Variants in ZNF689 observed in about 807,000 individuals in gnomAD.
ZNF689 encodes the protein zinc finger protein 689, also known as short ORF-encoded histone-binding protein.
A neutral mutation model predicts 37.2 loss-of-function variants in ZNF689; 14 were observed. The observed-to-expected ratio is 0.38, with a 90% CI of 0.25 to 0.59. ZNF689 has a LOEUF of 0.59. Ranked by LOEUF, ZNF689 falls within the 20% of genes least tolerant of loss-of-function variation. The probability of loss-of-function intolerance (pLI) is 0.68; values close to 1 mark genes in which losing one functional copy is unlikely to be tolerated. For missense variants in ZNF689, 573 were observed against 700.2 expected (o/e 0.82, Z 2.05); for synonymous variants, 277 against 283.3 (o/e 0.98, Z 0.22).
Position 30,604,715 on chromosome 16 carries a change from TCA to T in ZNF689, c.1050_1051del (p.Cys350Ter). On this transcript the variant is annotated stop_gained and frameshift_variant, in exon 3 of 3. Transcript: ENST00000287461. LOFTEE classifies it high-confidence loss of function. This position sits in a 1 kb window ranked among gnomAD's most constrained non-coding sequence, Gnocchi z 5.2. Reference sequence around the variant, plus strand: ...CGTGCTGCGCTGGGAGAAGCGGGCCTCACAGTGCTCGCAGGCATAGGGACGCT... The same window carrying T: ...CGTGCTGCGCTGGGAGAAGCGGGCCTCAGTGCTCGCAGGCATAGGGACGCT... 6.3e-7 allele frequency: 1 copy of T among 1,598,708 alleles called. No homozygotes were observed. Among genetic ancestry groups the T allele is most frequent in the Non-Finnish European group, 8.5e-7 (1 of 1,175,282 alleles).
rs143159261 is a variant in ZNF689, at chr16:30,606,359, C to A, written c.320-912G>T. Among the ~76,000 whole-genome samples the A allele has an allele frequency of 2.6e-5, 4 of 152,288 alleles. No homozygotes were observed. In the East Asian group the frequency reaches 7.7e-4, roughly 29 times the overall value. The stretch of plus-strand genomic sequence containing the variant: ...GAATACAGAGAAGTCTTGCTGCCAC[C>A]TTTTTCCAATCTACCTTGTAGAAAC... On this transcript the variant is annotated intron_variant, in intron 2 of 2. Transcript: ENST00000287461.
Position 30,609,509 on chromosome 16 carries a change from G to A in ZNF689, c.319+16C>T. On this transcript the variant is annotated intron_variant, in intron 2 of 2. Coordinates refer to ENST00000287461, the MANE Select transcript of ZNF689 (RefSeq NM_138447.3). The stretch of plus-strand genomic sequence containing the variant: ...ATAGGAGGGCTGCAGGCTCTGCGTG[G>A]TTATTTAGCACTCACTTCTCTGGAC... The A allele has an allele frequency of 6.2e-7, 1 of 1,610,696 alleles. No homozygotes were observed.
At position 30,605,930 on chromosome 16, in the gene ZNF689, C is replaced by T. The variant is rs530126681; in HGVS notation, c.320-483G>A. 4.3e-5 allele frequency among the ~76,000 whole-genome samples: 6 copies of T among 140,228 alleles called. No homozygotes were observed. Among genetic ancestry groups the T allele is most frequent in the African/African-American group, 5.4e-5 (2 of 37,084 alleles). The allele number at this position is 140,228 out of a possible 152,430, so 92.0% of individuals were successfully genotyped here. The stretch of plus-strand genomic sequence containing the variant: ...TTGTGCCACTGCACTCCAACCTGGG[C>T]GAGAGAGCGAGATTCCATCTCAAAA... On this transcript the variant is annotated intron_variant, in intron 2 of 2. Transcript: ENST00000287461. The surrounding 1 kb of genome is among the most constrained non-coding windows in gnomAD (Gnocchi z 5.1).
chr16:30,605,352 G>C lies in ZNF689; in HGVS notation c.415C>G (p.Arg139Gly), dbSNP rs2052026245. Residue 139 changes from arginine to glycine, a missense_variant, in exon 3 of 3, where the codon CGA becomes GGA. Arg to Gly is a moderately radical substitution (Grantham distance 125). Coordinates refer to ENST00000287461, the MANE Select transcript of ZNF689 (RefSeq NM_138447.3). This position sits in a 1 kb window ranked among gnomAD's most constrained non-coding sequence, Gnocchi z 5.1. ...GKRGRRPSKP[R>G]LIPRQTSGGP... ...CCGGACGTCTGCCTAGGAATCAGTC[G>C]GGGTTTGCTGGGCCTCCGGCCTCGC... 9.3e-6 allele frequency: 15 copies of C among 1,613,848 alleles called. No individual in the cohort carries two copies. Among genetic ancestry groups the C allele is most frequent in the Admixed American group, 1.7e-5 (1 of 59,960 alleles).
chr16:30,603,997 G>A lies in ZNF689; in HGVS notation c.*267C>T, dbSNP rs930681229. The A allele has an allele frequency of 3.2e-6, 2 of 627,628 alleles. No homozygotes were observed. Among genetic ancestry groups the A allele is most frequent in the African/African-American group, 3.6e-5 (2 of 55,346 alleles). The allele number at this position is 627,628 out of a possible 1,614,324, so 38.9% of individuals were successfully genotyped here. On this transcript the variant is annotated 3_prime_UTR_variant, in exon 3 of 3. Transcript: ENST00000287461. ...AGCAGACAGCCCCTAAAATAGATGG[G>A]GAGAACTTTTAGCCCTGATATCCAC...
chr16:30,605,590 C>A lies in ZNF689; in HGVS notation c.320-143G>T. On this transcript the variant is annotated intron_variant, in intron 2 of 2. Coordinates refer to ENST00000287461, the MANE Select transcript of ZNF689 (RefSeq NM_138447.3). This position sits in a 1 kb window ranked among gnomAD's most constrained non-coding sequence, Gnocchi z 5.1. ...CAGCTAAGTGTGACATACTGTCATG[C>A]AAATACGGTGTGCATTACAGGAGCT... 1 of 834,424 alleles carries A rather than the reference C, an allele frequency of 1.2e-6. No homozygotes were observed. The highest frequency in any genetic ancestry group is 3.6e-4 in the Middle Eastern group (1 of 2,770). The allele number at this position is 834,424 out of a possible 1,614,324, so 51.7% of individuals were successfully genotyped here.
chr16:30,605,351 C>A lies in ZNF689; in HGVS notation c.416G>T (p.Arg139Leu). 1 of 1,613,748 alleles carries A rather than the reference C, an allele frequency of 6.2e-7. No individual in the cohort carries two copies. The highest frequency in any genetic ancestry group is 8.5e-7 in the Non-Finnish European group (1 of 1,179,838). ...GKRGRRPSKP[R>L]LIPRQTSGGP... The stretch of plus-strand genomic sequence containing the variant: ...CCCGGACGTCTGCCTAGGAATCAGT[C>A]GGGGTTTGCTGGGCCTCCGGCCTCG... Residue 139 changes from arginine to leucine, a missense_variant, in exon 3 of 3, where the codon CGA becomes CTA. Arg to Leu is a moderately radical substitution (Grantham distance 102, BLOSUM62 -2). Transcript: ENST00000287461. The surrounding 1 kb of genome is among the most constrained non-coding windows in gnomAD (Gnocchi z 5.1).
chr16:30,609,794 G>A (rs753523895), intron 1 of ZNF689, 43 bp downstream of exon 1: 2 of 1,573,664 alleles, frequency 1.3e-6, no homozygotes, highest in Admixed American at 3.8e-5. Flanking sequence ...TCCGGCTCCT[G>A]CATCCCTTCG....
At position 30,603,934 on chromosome 16, in the gene ZNF689, C is replaced by A. The variant is rs1310379814; in HGVS notation, c.*330G>T. ...CCTATGAGATTCTCCTGATTGCATGCAAGATGACAGGTAATCCCTGTGTGG... is the reference window on the plus strand; with the variant it reads ...CCTATGAGATTCTCCTGATTGCATGAAAGATGACAGGTAATCCCTGTGTGG... On this transcript the variant is annotated 3_prime_UTR_variant, in exon 3 of 3. Coordinates refer to ENST00000287461, the MANE Select transcript of ZNF689 (RefSeq NM_138447.3). 4.5e-6 allele frequency: 2 copies of A among 441,178 alleles called. No individual in the cohort carries two copies. Among genetic ancestry groups the A allele is most frequent in the Non-Finnish European group, 8.7e-6 (2 of 229,296 alleles). 27.3% of individuals were successfully genotyped at this position (441,178 alleles called of 1,614,324 possible).
rs1471652358 is a variant in ZNF689 at position 30,603,342 on chromosome 16, AG to A, written c.*921del. 4.0e-5 allele frequency: 6 copies of A among 151,416 alleles called. No homozygotes were observed. Among genetic ancestry groups the A allele is most frequent in the Admixed American group, 3.3e-4 (5 of 15,164 alleles). The allele number at this position is 151,416 out of a possible 1,614,324, so 9.4% of individuals were successfully genotyped here. On this transcript the variant is annotated 3_prime_UTR_variant, in exon 3 of 3. Transcript: ENST00000287461. The stretch of plus-strand genomic sequence containing the variant: ...AGCTTGAACCAATTTTCCAAATACA[AG>A]ATGAAGACTTAGTTTTATAGCTTTT...
chr16:30,606,292 G>A (rs1221807670), intron 2 of ZNF689, among the ~76,000 whole-genome samples: 1 of 152,148 alleles, frequency 6.6e-6, no homozygotes, highest in Non-Finnish European at 1.5e-5. Flanking sequence ...AACACAGCAA[G>A]ACCCTATCTC....
At position 30,604,607 on chromosome 16, in the gene ZNF689, G is replaced by A; in HGVS notation, c.1160C>T (p.Ser387Phe). 1.9e-6 allele frequency: 3 copies of A among 1,601,744 alleles called. No individual in the cohort carries two copies. Among genetic ancestry groups the A allele is most frequent in the Non-Finnish European group, 2.6e-6 (3 of 1,174,384 alleles). ...GTGCGTGCTGCGATGGATGGCCAGG[G>A]AGCCGCTCCGCCGGAAGGCACGCCC... ...DCGRAFRRSG[S>F]LAIHRSTHTE... is the part of the protein sequence containing the mutation. The change falls in exon 3 of 3, where the codon TCC (serine) becomes TTC (phenylalanine). Residue 387 changes from serine (S) to phenylalanine (F), a missense_variant. This residue lies in a region of ZNF689 where 317 missense variants were observed against 367.1 expected (regional missense o/e 0.86). Coordinates refer to ENST00000287461, the MANE Select transcript of ZNF689 (RefSeq NM_138447.3). This position sits in a 1 kb window ranked among gnomAD's most constrained non-coding sequence, Gnocchi z 5.2.
Position 30,605,311 on chromosome 16 carries a change from A to T in ZNF689, c.456T>A (p.Pro152=). ...GATCAGGGAAGGTACAGCCGCAGTC[A>T]GGGCAGATGGGGCCCCCGGACGTCT... ...PRQTSGGPIC[P]DCGCTFPDHQ... is the part of the protein sequence containing the mutation. The change falls in exon 3 of 3, where the codon CCT becomes CCA. Residue 152 remains proline, a synonymous_variant. Transcript: ENST00000287461. The surrounding 1 kb of genome is among the most constrained non-coding windows in gnomAD (Gnocchi z 5.1). 1 of 1,611,536 alleles carries T rather than the reference A, an allele frequency of 6.2e-7. No individual in the cohort carries two copies. The highest frequency in any genetic ancestry group is 8.5e-7 in the Non-Finnish European group (1 of 1,178,632).
In ZNF689 at chr16:30,604,122, G is replaced by A. The variant is rs541155716; in HGVS notation, c.*142C>T. ...AGACACGCACAGGGAGGCAGCCAGC[G>A]CATTGCAAGATACAAAGTTCAGCTC... On this transcript the variant is annotated 3_prime_UTR_variant, in exon 3 of 3. Transcript: ENST00000287461. This position sits in a 1 kb window ranked among gnomAD's most constrained non-coding sequence, Gnocchi z 5.2. The A allele has an allele frequency of 1.0e-5, 9 of 899,548 alleles. No homozygotes were observed. Among genetic ancestry groups the A allele is most frequent in the South Asian group, 2.8e-5 (2 of 70,634 alleles). 55.7% of individuals were successfully genotyped at this position (899,548 alleles called of 1,614,324 possible). A position where few individuals can be genotyped will look rare whatever the true frequency, so the allele number is the denominator to read the frequency against.
chr16:30,605,379 T>C lies in ZNF689; in HGVS notation c.388A>G (p.Lys130Glu), dbSNP rs2052026516. 6.2e-7 allele frequency: 1 copy of C among 1,614,028 alleles called. No individual in the cohort carries two copies. Among genetic ancestry groups the C allele is most frequent in the Non-Finnish European group, 8.5e-7 (1 of 1,179,948 alleles). ...GGTTTGCTGGGCCTCCGGCCTCGCT[T>C]CCCCTTTCGGGGTGCCTCCTTAGGC... is the stretch of plus-strand genomic sequence containing the variant. ...FPPKEAPRKG[K>E]RGRRPSKPRL... The change falls in exon 3 of 3, where the codon AAG (lysine) becomes GAG (glutamate). Residue 130 changes from lysine (K) to glutamate (E), a missense_variant. Coordinates refer to ENST00000287461, the MANE Select transcript of ZNF689 (RefSeq NM_138447.3). This position sits in a 1 kb window ranked among gnomAD's most constrained non-coding sequence, Gnocchi z 5.1.
rs1012292019 is a variant in ZNF689, at chr16:30,604,881, G to A, written c.886C>T (p.Arg296Cys). 1.3e-6 allele frequency: 2 copies of A among 1,578,974 alleles called. No homozygotes were observed. The highest frequency in any genetic ancestry group is 8.6e-7 in the Non-Finnish European group (1 of 1,162,412). Residue 296 changes from arginine to cysteine, a missense_variant, in exon 3 of 3, where the codon CGC becomes TGC. By Grantham distance (180) the Arg-to-Cys change is radical. Transcript: ENST00000287461. This position sits in a 1 kb window ranked among gnomAD's most constrained non-coding sequence, Gnocchi z 5.2. ...AGGGCCGTGCGCTGGCGGAAGCGGCGGTTGCACTCGAGGCAAGTGTAGGGC... is the reference window on the plus strand; with the variant it reads ...AGGGCCGTGCGCTGGCGGAAGCGGCAGTTGCACTCGAGGCAAGTGTAGGGC... ...EKPYTCLECN[R>C]RFRQRTALVI...
Position 30,605,327 on chromosome 16 carries a change from C to T in ZNF689, c.440G>A (p.Gly147Glu). Reference protein sequence around the residue: ...KPRLIPRQTSGGPICPDCGCT... With the variant: ...KPRLIPRQTSEGPICPDCGCT... ...GCCGCAGTCAGGGCAGATGGGGCCC[C>T]CGGACGTCTGCCTAGGAATCAGTCG... is the stretch of plus-strand genomic sequence containing the variant. Residue 147 changes from glycine to glutamate, a missense_variant, in exon 3 of 3, where the codon GGG (glycine) becomes GAG (glutamate). Around this residue, in one of 3 missense-constraint regions of ZNF689, gnomAD observed 252 missense variants for 313.3 expected, o/e 0.80. Transcript: ENST00000287461. The surrounding 1 kb of genome is among the most constrained non-coding windows in gnomAD (Gnocchi z 5.1). The T allele has an allele frequency of 1.2e-6, 2 of 1,612,724 alleles. No homozygotes were observed. The highest frequency in any genetic ancestry group is 1.7e-6 in the Non-Finnish European group (2 of 1,179,312).
At chr16:30,606,865 T>G (rs2052041082) in intron 2 of ZNF689, among the ~76,000 whole-genome samples, 1 of 152,176 alleles carries the variant, frequency 6.6e-6, no homozygotes, top group South Asian at 2.1e-4. Context: ...ACTTAATATA[T>G]TCTAAAGATC....
chr16:30,604,412 G>T lies in ZNF689; in HGVS notation c.1355C>A (p.Thr452Lys), dbSNP rs140674594. Reference sequence around the variant, plus strand: ...GAGGCAGGGGAAAGGCTTCTCCCCCGTGTGCAGCAGCTGGTGCTGGGCCAG... The same window carrying T: ...GAGGCAGGGGAAAGGCTTCTCCCCCTTGTGCAGCAGCTGGTGCTGGGCCAG... ...SHLAQHQLLH[T>K]GEKPFPCLEC... The change falls in exon 3 of 3, where the codon ACG (threonine) becomes AAG (lysine). Residue 452 changes from threonine to lysine, a missense_variant. Physicochemically the swap from Thr to Lys is moderately conservative, Grantham distance 78. Around this residue, in one of 3 missense-constraint regions of ZNF689, gnomAD observed 317 missense variants for 367.1 expected, o/e 0.86. Transcript: ENST00000287461. This position sits in a 1 kb window ranked among gnomAD's most constrained non-coding sequence, Gnocchi z 5.2. The T allele has an allele frequency of 6.2e-4, 1,003 of 1,613,670 alleles. 1 individual carries two copies. Among genetic ancestry groups the T allele is most frequent in the Admixed American group, 1.2e-3 (71 of 59,988 alleles).
Sources: gnomAD v4.1 joint callset for allele counts (sites outside exome capture counted in the v4.1 genomes callset) on GRCh38, gnomAD v4.1.1 for gene constraint, gnomAD v4.1.1 regional missense constraint, Gnocchi (gnomAD v3.1) non-coding constraint, MANE v1.5 for transcripts, NCBI Gene and HGNC (gene_info 2026-07-23, HGNC 2026-07-21) for gene names.